Variants in MCC observed in about 807,000 individuals in gnomAD.
MCC encodes MCC regulator of Wnt signaling pathway.
MCC carries 90 observed loss-of-function variants against 116.2 expected under a neutral mutation model. The observed-to-expected ratio is 0.77, with a 90% CI of 0.65 to 0.92. The LOEUF is 0.92. Ranked by LOEUF, MCC falls within the 40% of genes least tolerant of loss-of-function variation. MCC has a pLI of 0.00. For synonymous variants in MCC, 578 were observed against 510.5 expected (o/e 1.13, Z -1.78); for missense variants, 1,516 against 1,312.2 (o/e 1.16, Z -2.40).
At chr5:113,079,499 T>C (rs1035829849) in intron 11 of MCC, among the ~76,000 whole-genome samples, 1 of 152,072 alleles carries the variant, frequency 6.6e-6, no homozygotes, top group Admixed American at 6.6e-5. Context: ...TCAGAAATAA[T>C]ACCGCACATC....
At position 113,349,933 on chromosome 5, in the gene MCC, C is replaced by T. The variant is rs542781236; in HGVS notation, c.416-9203G>A. ...TGAATAAAAATTTAAAAAGTAATCC[C>T]AAGTATAATAGTTACAAATAAAATT... On this transcript the variant is annotated intron_variant, in intron 2 of 18. Coordinates refer to ENST00000408903, the MANE Select transcript of MCC (RefSeq NM_001085377.2). Among the ~76,000 whole-genome samples, 5 of 151,936 alleles carry T rather than the reference C, an allele frequency of 3.3e-5. No homozygotes were observed. The East Asian group carries it at 9.7e-4, about 29-fold the overall frequency.
At chr5:113,027,516 T>G (rs542689481) in intron 18 of MCC, 34 bp from the exon 19 acceptor site, 1 of 1,604,520 alleles carries the variant, frequency 6.2e-7, no homozygotes, top group South Asian at 1.1e-5. Context: ...GGTATTAAGA[T>G]TCATCCTAAG....
At chr5:113,202,779 C>T (rs1762739697) in intron 3 of MCC, among the ~76,000 whole-genome samples, 1 of 98,158 alleles carries the variant, frequency 1.0e-5, no homozygotes, top group South Asian at 4.8e-4. Flanking sequence ...GAAAGTTTGC[C>T]CTTTATTTAA....
chr5:113,195,635 T>C (rs10035689), intron 3 of MCC, among the ~76,000 whole-genome samples: 123,762 of 152,100 alleles, frequency 0.81, 51,301 homozygotes, highest in South Asian at 0.9. Context: ...TTAGAAGAAA[T>C]GGGCTGGAAG....
intron 3 of MCC, among the ~76,000 whole-genome samples, chr5:113,287,555 G>A (rs1333760141): frequency 2.6e-5 from 4 of 152,056 alleles, no homozygotes; most frequent in Admixed American, 6.5e-5. Context: ...TTGAACTCTC[G>A]ACCTCATGAT....
In MCC at chr5:113,294,306, T is replaced by A. The variant is rs148729506; in HGVS notation, c.627+46213A>T. The A allele has an allele frequency of 8.4e-4, 1,360 of 1,613,406 alleles. 12 individuals carry two copies. In the African/African-American group the frequency reaches 0.017, roughly 20 times the overall value. On this transcript the variant is annotated intron_variant, in intron 3 of 18. Coordinates refer to ENST00000408903, the MANE Select transcript of MCC (RefSeq NM_001085377.2). The stretch of plus-strand genomic sequence containing the variant: ...AAGCAAACGCCCGAGAAACCCTAGC[T>A]CCCGACCTCAGCTGTTTCTTACCTC...
intron 3 of MCC, among the ~76,000 whole-genome samples, chr5:113,152,320 T>G (rs1231531691): frequency 1.3e-5 from 2 of 152,192 alleles, no homozygotes; most frequent in Non-Finnish European, 2.9e-5. Flanking sequence ...GGAACTATTT[T>G]TAAGACCCGT....
chr5:113,031,711 A>G (rs1409221118), intron 17 of MCC, among the ~76,000 whole-genome samples: 6 of 152,174 alleles, frequency 3.9e-5, no homozygotes, highest in African/African-American at 1.4e-4. Context: ...ACACTCAGTG[A>G]ACAGGGAGAC....
intron 11 of MCC, among the ~76,000 whole-genome samples, chr5:113,074,648 T>G (rs560149228): frequency 1.6e-4 from 24 of 152,324 alleles, no homozygotes; most frequent in African/African-American, 5.5e-4. Context: ...GAAAAAAGAT[T>G]AGACAAATGG....
At chr5:113,194,475 G>T (rs145825630) in intron 3 of MCC, among the ~76,000 whole-genome samples, 1 of 152,094 alleles carries the variant, frequency 6.6e-6, no homozygotes, top group East Asian at 1.9e-4. Flanking sequence ...TATCAGCCTG[G>T]GCAACAAAGT....
intron 3 of MCC, among the ~76,000 whole-genome samples, chr5:113,325,103 G>C (rs2150372607): frequency 6.6e-6 from 1 of 152,120 alleles, no homozygotes; most frequent in Admixed American, 6.5e-5. Context: ...GCCTCTCAAA[G>C]TGTCTATATT....
rs577904512 is a variant in MCC, at chr5:113,078,837, G to T, written c.1784+4023C>A. On this transcript the variant is annotated intron_variant, in intron 11 of 18. Transcript: ENST00000408903. ...AATGAGGCAGGAGAAAGAAATAAAG[G>T]GTATTCAATTAGGAAAAGAGGAAGT... 5.3e-3 allele frequency among the ~76,000 whole-genome samples: 802 copies of T among 152,180 alleles called. 6 individuals carry two copies. The highest frequency in any genetic ancestry group is 0.017 in the Middle Eastern group (5 of 294).
intron 3 of MCC, among the ~76,000 whole-genome samples, chr5:113,158,852 T>C (rs1867321): frequency 0.97 from 147,620 of 152,302 alleles, 71,702 homozygotes; most frequent in East Asian, 1. Flanking sequence ...CTCCACTATG[T>C]GCATCACTGG....
At chr5:113,196,313 G>T (rs548291034) in intron 3 of MCC, among the ~76,000 whole-genome samples, 1 of 152,196 alleles carries the variant, frequency 6.6e-6, no homozygotes. Flanking sequence ...TGCCCAGGAG[G>T]TTAGCAGGTG....
In MCC at chr5:113,023,334, C is replaced by CAA. The variant is rs2150201847; in HGVS notation, c.*3966_*3967dup. 1 of 152,310 alleles carries CAA rather than the reference C, an allele frequency of 6.6e-6. No individual in the cohort carries two copies. Among genetic ancestry groups the CAA allele is most frequent in the South Asian group, 2.1e-4 (1 of 4,826 alleles). The allele number at this position is 152,310 out of a possible 1,614,324, so 9.4% of individuals were successfully genotyped here. On this transcript the variant is annotated 3_prime_UTR_variant, in exon 19 of 19. Transcript: ENST00000408903. ...CTTCTGTAAACTCTATAAGAGTGCT[C>CAA]AAAGGTGAATCAAACTTGTATATCA...
chr5:113,364,209 T>A (rs1254795881), intron 2 of MCC, among the ~76,000 whole-genome samples: 2 of 119,762 alleles, frequency 1.7e-5, no homozygotes, highest in East Asian at 4.7e-4. Context: ...CCAGCCTGGG[T>A]GACAGAGTGA....
chr5:113,453,257 C>T (rs1157898497), intron 1 of MCC, among the ~76,000 whole-genome samples: 1 of 152,128 alleles, frequency 6.6e-6, no homozygotes, highest in Non-Finnish European at 1.5e-5. Flanking sequence ...TCTAACACGT[C>T]CACTTCTCTG....
chr5:113,124,510 T>C (rs1295631634), intron 5 of MCC, among the ~76,000 whole-genome samples: 2 of 152,234 alleles, frequency 1.3e-5, no homozygotes, highest in Non-Finnish European at 2.9e-5. Flanking sequence ...TTGGTATAAA[T>C]GGCATTTGTA....
chr5:113,048,813 A>G, intron 16 of MCC: 1 of 533,758 alleles, frequency 1.9e-6, no homozygotes, highest in East Asian at 3.1e-5. Flanking sequence ...GGAGGTGAGA[A>G]CAGTATCAGT....
Sources: allele counts gnomAD v4.1 joint callset (sites outside exome capture counted in the v4.1 genomes callset), GRCh38; gene constraint gnomAD v4.1.1; transcripts MANE v1.5; gene names NCBI Gene and HGNC (gene_info 2026-07-23, HGNC 2026-07-21).